The following CFAP54 variants were observed in gnomAD, a reference collection of about 807,000 sequenced individuals.
CFAP54 encodes the protein cilia and flagella associated protein 54, also known as cilia- and flagella-associated protein 54.
CFAP54 carries 290 observed loss-of-function variants against 370.4 expected under a neutral mutation model. The observed-to-expected ratio is 0.78, with a 90% confidence interval of 0.71 to 0.86. CFAP54 has a LOEUF of 0.86. CFAP54 is among the 40% of genes least tolerant of loss of function. The pLI is 0.00. For synonymous variants in CFAP54, 1,206 were observed against 1,236.5 expected (o/e 0.98, Z 0.52); for missense variants, 3,399 against 3,528.7 (o/e 0.96, Z 0.93).
Position 96,647,991 on chromosome 12 carries a change from A to G in CFAP54, c.4664A>G (p.Lys1555Arg). The G allele has an allele frequency of 1.3e-6, 2 of 1,507,504 alleles. No homozygotes were observed. Among genetic ancestry groups the G allele is most frequent in the Non-Finnish European group, 1.8e-6 (2 of 1,139,818 alleles). 93.4% of individuals were successfully genotyped at this position (1,507,504 alleles called of 1,614,324 possible). Residue 1555 changes from lysine to arginine, a missense_variant, in exon 34 of 68, where the codon AAA (lysine) becomes AGA (arginine). Physicochemically the swap from Lys to Arg is conservative, Grantham distance 26. Around this residue, in one of 3 missense-constraint regions of CFAP54, gnomAD observed 2,796 missense variants for 2,869.7 expected, o/e 0.97. Coordinates refer to ENST00000524981, the MANE Select transcript of CFAP54 (RefSeq NM_001306084.2). ...ATGCTTGATTTCCTTCTTACAGCCA[A>G]AAAAAGAAAGGCCAACTTACCATCA... is the stretch of plus-strand genomic sequence containing the variant. The part of the protein sequence containing the change: ...KAMLDFLLTA[K>R]KRKANLPSDA...
intron 55 of CFAP54, among the ~76,000 whole-genome samples, chr12:96,750,885 T>C (rs995686413): frequency 6.6e-6 from 1 of 152,194 alleles, no homozygotes; most frequent in African/African-American, 2.4e-5. Context: ...TACAACGTCT[T>C]TTTCACAGAG....
intron 50 of CFAP54, among the ~76,000 whole-genome samples, chr12:96,732,867 T>A (rs925689898): frequency 3.9e-5 from 6 of 152,154 alleles, no homozygotes; most frequent in African/African-American, 1.2e-4. Context: ...ACTGTTTTTT[T>A]TTTCCAAACT....
intron 62 of CFAP54, among the ~76,000 whole-genome samples, chr12:96,788,049 T>C (rs2136697653): frequency 6.6e-6 from 1 of 151,970 alleles, no homozygotes; most frequent in African/African-American, 2.4e-5. Context: ...CCCGAAAAAG[T>C]GAGTTATTTA....
chr12:96,658,508 G>C (rs1956950798), intron 38 of CFAP54, among the ~76,000 whole-genome samples, 162 bp downstream of exon 38: 2 of 152,156 alleles, frequency 1.3e-5, no homozygotes, highest in Admixed American at 1.3e-4. Context: ...TTGAGAGCCT[G>C]CAGTCAAGGC....
At chr12:96,716,345 A>G (rs1286420949) in intron 48 of CFAP54, among the ~76,000 whole-genome samples, 2 of 152,388 alleles carry the variant, frequency 1.3e-5, no homozygotes, top group East Asian at 3.9e-4. Flanking sequence ...CTGGAAGCAC[A>G]TCTGCCTGAA....
chr12:96,540,754 G>C (rs1161268275), intron 13 of CFAP54, 83 bp from the exon 14 acceptor site: 1 of 849,474 alleles, frequency 1.2e-6, no homozygotes, highest in Non-Finnish European at 1.6e-6. Context: ...TTGTTTCAAG[G>C]AAGTATAAGT....
chr12:96,802,193 C>T (rs1037254151), intron 63 of CFAP54, among the ~76,000 whole-genome samples: 9 of 152,100 alleles, frequency 5.9e-5, no homozygotes, highest in Admixed American at 2.0e-4. Context: ...ACAATACCCA[C>T]CACCCTGCTA....
At chr12:96,684,956 T>C (rs1309133359) in intron 41 of CFAP54, 73 bp from the exon 42 acceptor site, 1 of 1,452,668 alleles carries the variant, frequency 6.9e-7, no homozygotes, top group Admixed American at 1.9e-5. Context: ...GTGTATTTGC[T>C]TTCCCTTCTG....
chr12:96,499,314 C>T (rs961095937), intron 1 of CFAP54, among the ~76,000 whole-genome samples: 1 of 152,128 alleles, frequency 6.6e-6, no homozygotes, highest in African/African-American at 2.4e-5. Flanking sequence ...AAGACCTTAA[C>T]AGACACCTCA....
chr12:96,518,195 A>G (rs561238206), intron 5 of CFAP54, among the ~76,000 whole-genome samples: 2 of 152,334 alleles, frequency 1.3e-5, no homozygotes, highest in African/African-American at 4.8e-5. Context: ...ATTTGATTCT[A>G]ATCTTGGACC....
intron 55 of CFAP54, among the ~76,000 whole-genome samples, chr12:96,744,422 T>G (rs1958088516): frequency 6.6e-6 from 1 of 152,192 alleles, no homozygotes; most frequent in Non-Finnish European, 1.5e-5. Context: ...AGGTCATCAG[T>G]CTTTTGGATT....
intron 26 of CFAP54, among the ~76,000 whole-genome samples, chr12:96,612,927 C>T (rs1255719714): frequency 6.6e-6 from 1 of 152,098 alleles, no homozygotes; most frequent in African/African-American, 2.4e-5. Context: ...TAATGGGAGA[C>T]CTTAACACCA....
chr12:96,663,365 A>G (rs1456152395), intron 38 of CFAP54, among the ~76,000 whole-genome samples: 1 of 152,178 alleles, frequency 6.6e-6, no homozygotes, highest in Non-Finnish European at 1.5e-5. Context: ...CTGTTTTCAG[A>G]TATTTTATTA....
chr12:96,748,605 T>A (rs1958146206), intron 55 of CFAP54, among the ~76,000 whole-genome samples: 1 of 152,214 alleles, frequency 6.6e-6, no homozygotes, highest in African/African-American at 2.4e-5. Flanking sequence ...AATGATGTGC[T>A]CCCAGCTCAG....
chr12:96,661,524 T>C (rs4762315), intron 38 of CFAP54, among the ~76,000 whole-genome samples: 128,969 of 152,018 alleles, frequency 0.85, 55,229 homozygotes, highest in African/African-American at 0.95. Flanking sequence ...TGGACAGAGG[T>C]TGTTACTCAT....
chr12:96,817,824 C>A lies in CFAP54; in HGVS notation c.9007C>A (p.Leu3003Ile), dbSNP rs1958994471. The change falls in exon 65 of 68, where the codon CTA becomes ATA. Residue 3003 changes from leucine to isoleucine, a missense_variant. This residue lies in a region of CFAP54 where 2,796 missense variants were observed against 2,869.7 expected (regional missense o/e 0.97). Coordinates refer to ENST00000524981, the MANE Select transcript of CFAP54 (RefSeq NM_001306084.2). ...ATCTAATCTTGCTCAAATAGCTGAA[C>A]TATCATTGCCAGCAGCTCCTGAAAT... ...KLSNLAQIAELSLPAAPEITS... is the reference protein window; with the variant it reads ...KLSNLAQIAEISLPAAPEITS... The A allele has an allele frequency of 2.6e-6, 4 of 1,513,412 alleles. No individual in the cohort carries two copies. Among genetic ancestry groups the A allele is most frequent in the African/African-American group, 2.8e-5 (2 of 72,306 alleles). 93.7% of individuals were successfully genotyped at this position (1,513,412 alleles called of 1,614,324 possible).
chr12:96,786,853 A>G lies in CFAP54; in HGVS notation c.8634A>G (p.Glu2878=), dbSNP rs564769307. The G allele has an allele frequency of 1.3e-6, 2 of 1,535,614 alleles. No individual in the cohort carries two copies. The highest frequency in any genetic ancestry group is 8.7e-7 in the Non-Finnish European group (1 of 1,146,572). The change falls in exon 62 of 68, where the codon GAA becomes GAG. Residue 2878 remains glutamate, a synonymous_variant. Transcript: ENST00000524981. Reference sequence around the variant, plus strand: ...CAAAAGAACTTCTTTGTCAACTGGAAAATCCCCCTCTTTCAGAAAAAGACT... The same window carrying G: ...CAAAAGAACTTCTTTGTCAACTGGAGAATCCCCCTCTTTCAGAAAAAGACT... ...EFPKELLCQL[E]NPPLSEKDLR...
Position 96,708,610 on chromosome 12 carries a change from A to C in CFAP54, c.6531A>C (p.Ala2177=), listed in dbSNP as rs1474366259. Reference sequence around the variant, plus strand: ...TTTTCCTTTTTTCCATTTTTTAGGCAATTGATGAATTAAGAAATAAAGGCT... The same window carrying C: ...TTTTCCTTTTTTCCATTTTTTAGGCCATTGATGAATTAAGAAATAAAGGCT... ...KLLTSKENIQ[A]IDELRNKGLP... The change falls in exon 48 of 68, where the codon GCA becomes GCC. Residue 2177 remains alanine (A), a splice_region_variant and synonymous_variant. Transcript: ENST00000524981. The C allele has an allele frequency of 1.3e-6, 2 of 1,585,548 alleles. No individual in the cohort carries two copies. Among genetic ancestry groups the C allele is most frequent in the Non-Finnish European group, 1.7e-6 (2 of 1,172,862 alleles).
At chr12:96,651,910 C>A in intron 36 of CFAP54, 95 bp downstream of exon 36, 2 of 768,032 alleles carry the variant, frequency 2.6e-6, no homozygotes, top group Non-Finnish European at 2.0e-6. Flanking sequence ...TTTTTTATTT[C>A]TCATTTGGTT....
Sources: allele counts gnomAD v4.1 joint callset (sites outside exome capture counted in the v4.1 genomes callset), GRCh38; gene constraint gnomAD v4.1.1; regional missense constraint gnomAD v4.1.1; transcripts MANE v1.5; gene names NCBI Gene and HGNC (gene_info 2026-07-23, HGNC 2026-07-21).